SH3PXD2A: variants seen among roughly 807,000 people sequenced by gnomAD.
SH3PXD2A encodes SH3 and PX domains 2A, also known as SH3 and PX domain-containing protein 2A.
In SH3PXD2A, 32 loss-of-function variants were observed where a neutral mutation model predicts 115.2. That is an observed-to-expected ratio of 0.28 (90% CI 0.21 to 0.37). SH3PXD2A has a LOEUF of 0.37. SH3PXD2A is among the 10% of genes least tolerant of loss of function. SH3PXD2A has a pLI of 1.00. For missense variants in SH3PXD2A, 1,328 were observed against 1,498.7 expected (o/e 0.89, Z 1.88); for synonymous variants, 610 against 629.1 (o/e 0.97, Z 0.45).
intron 2 of SH3PXD2A, among the ~76,000 whole-genome samples, chr10:103,785,930 G>A (rs2038976506): frequency 6.6e-6 from 1 of 151,808 alleles, no homozygotes; most frequent in Admixed American, 6.6e-5. Context: ...CGTAGACGGA[G>A]GCTCAGGGAA....
chr10:103,688,200 T>C (rs938314249), intron 6 of SH3PXD2A, among the ~76,000 whole-genome samples: 1 of 152,214 alleles, frequency 6.6e-6, no homozygotes, highest in Non-Finnish European at 1.5e-5. Context: ...TCCCGCTCTC[T>C]GCTCCCAAAC....
intron 2 of SH3PXD2A, among the ~76,000 whole-genome samples, chr10:103,783,991 GA>G (rs1793323837): frequency 6.6e-6 from 1 of 152,198 alleles, no homozygotes; most frequent in Non-Finnish European, 1.5e-5. Context: ...AATGCAACAG[GA>G]AAAGTCCCCC....
At chr10:103,788,575 G>A (rs943965778) in intron 2 of SH3PXD2A, among the ~76,000 whole-genome samples, 3 of 152,142 alleles carry the variant, frequency 2.0e-5, no homozygotes, top group African/African-American at 7.2e-5. Flanking sequence ...ATCTAAACTA[G>A]TGTCCCTGAG....
chr10:103,840,677 G>C (rs12354909), intron 1 of SH3PXD2A, among the ~76,000 whole-genome samples: 19,147 of 152,216 alleles, frequency 0.13, 2,255 homozygotes, highest in African/African-American at 0.31. Context: ...TTCCTAGCTT[G>C]TGACCATTGG....
At chr10:103,701,306 T>C (rs1030010638) in intron 5 of SH3PXD2A, among the ~76,000 whole-genome samples, 2 of 137,082 alleles carry the variant, frequency 1.5e-5, no homozygotes, top group African/African-American at 5.6e-5. Flanking sequence ...CATCCATCCA[T>C]TCATCCATCC....
chr10:103,669,110 C>T (rs1469492529), intron 6 of SH3PXD2A, among the ~76,000 whole-genome samples: 3 of 152,196 alleles, frequency 2.0e-5, no homozygotes, highest in African/African-American at 7.2e-5. Flanking sequence ...TTGGAGCACC[C>T]AGGACCCATC....
At chr10:103,670,624 T>C (rs2037444641) in intron 6 of SH3PXD2A, among the ~76,000 whole-genome samples, 1 of 152,114 alleles carries the variant, frequency 6.6e-6, no homozygotes, top group South Asian at 2.1e-4. Context: ...CCACAGTCAC[T>C]CTCAGACACC....
At chr10:103,726,537 A>G (rs1273224649) in intron 4 of SH3PXD2A, among the ~76,000 whole-genome samples, 1 of 152,200 alleles carries the variant, frequency 6.6e-6, no homozygotes, top group Non-Finnish European at 1.5e-5. Context: ...AGATCCTAGT[A>G]GAGTACCTGA....
chr10:103,661,261 C>T (rs1420961443), intron 7 of SH3PXD2A, 147 bp from the exon 8 acceptor site: 10 of 964,862 alleles, frequency 1.0e-5, no homozygotes, highest in African/African-American at 1.7e-5. Context: ...GCTCGCAGCT[C>T]ACAGGGCGCC....
At chr10:103,695,540 G>C (rs11815213) in intron 5 of SH3PXD2A, among the ~76,000 whole-genome samples, 5,041 of 151,426 alleles carry the variant, frequency 0.033, 288 homozygotes, top group African/African-American at 0.12. Flanking sequence ...GAGTGGGGAA[G>C]ACACAAAACT....
chr10:103,712,038 C>G (rs1182154680), intron 5 of SH3PXD2A, among the ~76,000 whole-genome samples: 1 of 151,252 alleles, frequency 6.6e-6, no homozygotes. Context: ...GGAGAGAAAC[C>G]CTGTCTCAAA....
intron 1 of SH3PXD2A, among the ~76,000 whole-genome samples, chr10:103,822,115 T>A (rs2039387324): frequency 6.6e-6 from 1 of 152,130 alleles, no homozygotes; most frequent in Non-Finnish European, 1.5e-5. Context: ...GGTCTCAAAC[T>A]CCTAACCTTA....
At chr10:103,812,084 A>C (rs1364375942) in intron 1 of SH3PXD2A, among the ~76,000 whole-genome samples, 1 of 152,364 alleles carries the variant, frequency 6.6e-6, no homozygotes, top group East Asian at 1.9e-4. Context: ...GCAATCACAG[A>C]GTTCTGGGCA....
chr10:103,731,172 T>A (rs964826498), intron 4 of SH3PXD2A, among the ~76,000 whole-genome samples: 1 of 151,568 alleles, frequency 6.6e-6, no homozygotes, highest in Admixed American at 6.6e-5. Flanking sequence ...TTTGTTTTTT[T>A]TTTTTTGAAA....
intron 1 of SH3PXD2A, among the ~76,000 whole-genome samples, chr10:103,846,050 C>T (rs1367233644): frequency 6.6e-6 from 1 of 152,228 alleles, no homozygotes; most frequent in Admixed American, 6.5e-5. Context: ...CTCCAGGGAT[C>T]CCAGAAACAG....
At chr10:103,701,677 A>G (rs1419936820) in intron 5 of SH3PXD2A, among the ~76,000 whole-genome samples, 4 of 146,532 alleles carry the variant, frequency 2.7e-5, no homozygotes, top group Admixed American at 1.4e-4. Flanking sequence ...TCCATCATCC[A>G]TCCATCCATC....
At chr10:103,632,723 C>A (rs1166384339) in intron 8 of SH3PXD2A, among the ~76,000 whole-genome samples, 1 of 152,172 alleles carries the variant, frequency 6.6e-6, no homozygotes, top group Non-Finnish European at 1.5e-5. Context: ...CACCTGTAAT[C>A]CCAACACTTT....
chr10:103,594,393 AAAG>A lies in SH3PXD2A; in HGVS notation c.*7420_*7422del, dbSNP rs2036105836. Reference sequence around the variant, plus strand: ...TTCTCCAGTTTCTCTGCTGAGGAGGAAAGAAGGAAAACCTGGAGGAAGGGCTCC... The same window carrying A: ...TTCTCCAGTTTCTCTGCTGAGGAGGAAAGGAAAACCTGGAGGAAGGGCTCC... On this transcript the variant is annotated 3_prime_UTR_variant, in exon 15 of 15. Coordinates refer to ENST00000369774, the MANE Select transcript of SH3PXD2A (RefSeq NM_001394015.1). The A allele has an allele frequency of 6.6e-6, 1 of 152,562 alleles. No homozygotes were observed. Among genetic ancestry groups the A allele is most frequent in the Non-Finnish European group, 1.5e-5 (1 of 68,024 alleles). The allele number at this position is 152,562 out of a possible 1,614,324, so 9.5% of individuals were successfully genotyped here. A position where few individuals can be genotyped will look rare whatever the true frequency, so the allele number is the denominator to read the frequency against.
chr10:103,819,424 G>A (rs368929408), intron 1 of SH3PXD2A, among the ~76,000 whole-genome samples: 2 of 152,150 alleles, frequency 1.3e-5, no homozygotes, highest in Non-Finnish European at 2.9e-5. Flanking sequence ...AAGGCTGAGG[G>A]CTAGGGGAGG....
Sources: gnomAD v4.1 joint callset for allele counts (sites outside exome capture counted in the v4.1 genomes callset) on GRCh38, gnomAD v4.1.1 for gene constraint, MANE v1.5 for transcripts, NCBI Gene and HGNC (gene_info 2026-07-23, HGNC 2026-07-21) for gene names.